The following RAB27B variants were observed in gnomAD, a reference collection of about 807,000 sequenced individuals.
RAB27B encodes the protein ras-related protein Rab-27B.
In RAB27B, 15 loss-of-function variants were observed where a neutral mutation model predicts 24.6. That is an observed-to-expected ratio of 0.61 (90% CI 0.41 to 0.94). The LOEUF is 0.94. RAB27B is among the 40% of genes least tolerant of loss of function. The pLI, the probability that RAB27B is intolerant of heterozygous loss-of-function variation, is 0.00. For missense variants in RAB27B, 261 were observed against 266.8 expected (o/e 0.98, Z 0.15); for synonymous variants, 105 against 92.5 (o/e 1.14, Z -0.78).
chr18:54,833,178 G>A (rs1473041779), intron 1 of RAB27B, among the ~76,000 whole-genome samples: 2 of 151,720 alleles, frequency 1.3e-5, no homozygotes, highest in African/African-American at 2.4e-5. Context: ...TTGAAACAAA[G>A]CAGTGAATAA....
chr18:54,825,981 C>A (rs976249441), upstream of RAB27B, among the ~76,000 whole-genome samples: 3 of 152,234 alleles, frequency 2.0e-5, no homozygotes, highest in African/African-American at 7.2e-5. Context: ...GAATCCTCTG[C>A]TCTTCCAAAT....
chr18:54,831,701 G>A (rs944710945), intron 1 of RAB27B, among the ~76,000 whole-genome samples: 17 of 152,254 alleles, frequency 1.1e-4, no homozygotes, highest in Non-Finnish European at 2.2e-4. Flanking sequence ...ATGTTAAAGG[G>A]TAATACAATG....
chr18:54,894,172 G>C lies in RAB27B; in HGVS notation c.*4759G>C, dbSNP rs1433715781. 1 of 151,920 alleles carries C rather than the reference G, an allele frequency of 6.6e-6. No homozygotes were observed. Among genetic ancestry groups the C allele is most frequent in the Non-Finnish European group, 1.5e-5 (1 of 67,904 alleles). 9.4% of individuals were successfully genotyped at this position (151,920 alleles called of 1,614,324 possible). A position where few individuals can be genotyped will look rare whatever the true frequency, so the allele number is the denominator to read the frequency against. On this transcript the variant is annotated 3_prime_UTR_variant, in exon 6 of 6. Transcript: ENST00000262094. ...TGTATCAACAGCCTATGGTTGAGAT[G>C]TTTTCTCATTTCCTGTAGAGAGAGA...
chr18:54,844,819 T>C (rs1911264044), intron 1 of RAB27B, among the ~76,000 whole-genome samples: 1 of 152,138 alleles, frequency 6.6e-6, no homozygotes, highest in South Asian at 2.1e-4. Context: ...AAATTTCACA[T>C]GTTTATTTTC....
intron 2 of RAB27B, among the ~76,000 whole-genome samples, chr18:54,799,519 G>C (rs1431664031): frequency 1.4e-5 from 2 of 146,654 alleles, no homozygotes; most frequent in East Asian, 4.1e-4. Flanking sequence ...AATAATTTCT[G>C]TTTTTTAAAA....
At chr18:54,773,786 T>A (rs1273962670) in intron 2 of RAB27B, among the ~76,000 whole-genome samples, 1 of 151,912 alleles carries the variant, frequency 6.6e-6, no homozygotes, top group East Asian at 1.9e-4. Context: ...AGCAATTCTC[T>A]GCCTCAGCCT....
intron 2 of RAB27B, among the ~76,000 whole-genome samples, chr18:54,765,093 A>G (rs1031241606): frequency 2.6e-5 from 4 of 152,232 alleles, no homozygotes; most frequent in Non-Finnish European, 4.4e-5. Flanking sequence ...AAAAAACAAA[A>G]AAACAAACAA....
At chr18:54,871,291 C>CCATAGTTT (rs1444411607) in intron 1 of RAB27B, among the ~76,000 whole-genome samples, 1 of 152,110 alleles carries the variant, frequency 6.6e-6, no homozygotes, top group Admixed American at 6.5e-5. Context: ...CTTTAGCCAC[C>CCATAGTTT]CATAGTTTAA....
In RAB27B at chr18:54,891,281, T is replaced by G. The variant is rs942293419; in HGVS notation, c.*1868T>G. ...ATCAAAATATTAATAATTTGAAAGC[T>G]TTCATGCTGTTAGCCCCTGATGAAA... On this transcript the variant is annotated 3_prime_UTR_variant, in exon 6 of 6. Coordinates refer to ENST00000262094, the MANE Select transcript of RAB27B (RefSeq NM_004163.4). The G allele has an allele frequency of 6.0e-5, 9 of 151,236 alleles. No homozygotes were observed. Among genetic ancestry groups the G allele is most frequent in the African/African-American group, 2.0e-4 (8 of 40,582 alleles). The allele number at this position is 151,236 out of a possible 1,614,324, so 9.4% of individuals were successfully genotyped here.
chr18:54,838,597 T>C (rs1910986288), intron 1 of RAB27B, among the ~76,000 whole-genome samples: 1 of 152,196 alleles, frequency 6.6e-6, no homozygotes, highest in Admixed American at 6.5e-5. Context: ...ACACTTTCTT[T>C]GTTATGGATC....
At position 54,747,669 on chromosome 18, in the gene RAB27B, C is replaced by CT. The variant is rs140817729; in HGVS notation, c.-20+29529dup. Among the ~76,000 whole-genome samples the CT allele has an allele frequency of 3.3e-3, 504 of 152,290 alleles. 2 individuals carry two copies. The highest frequency in any genetic ancestry group is 4.5e-3 in the Non-Finnish European group (306 of 68,020). ...TGAGTTCATTTAAATTCTTTTGCTT[C>CT]TCATACTTTGCCTACCAAATAATTA... On this transcript the variant is annotated intron_variant, in intron 2 of 4. Transcript: ENST00000586570.
chr18:54,783,528 G>C lies in RAB27B; in HGVS notation c.-20+65387G>C, dbSNP rs538009815. ...GTGTGTATGTATAGCATAATACATAGTGATTATTCTACTTTAGATTTCTTG... is the reference window on the plus strand; with the variant it reads ...GTGTGTATGTATAGCATAATACATACTGATTATTCTACTTTAGATTTCTTG... On this transcript the variant is annotated intron_variant, in intron 2 of 4. Coordinates refer to the RAB27B transcript ENST00000586570. 1.1e-4 allele frequency among the ~76,000 whole-genome samples: 17 copies of C among 149,516 alleles called. 1 individual carries two copies. In the East Asian group the frequency reaches 2.1e-3, roughly 19 times the overall value.
intron 2 of RAB27B, among the ~76,000 whole-genome samples, chr18:54,726,438 G>C (rs1909539390): frequency 6.6e-6 from 1 of 151,418 alleles, no homozygotes; most frequent in Non-Finnish European, 1.5e-5. Flanking sequence ...TTTCCCCACA[G>C]CCTGCCTTTT....
At chr18:54,748,529 G>A (rs2145026874) in intron 2 of RAB27B, among the ~76,000 whole-genome samples, 1 of 152,316 alleles carries the variant, frequency 6.6e-6, no homozygotes. Context: ...TTTTGTGTAA[G>A]GCTTAAAACA....
intron 1 of RAB27B, among the ~76,000 whole-genome samples, chr18:54,861,278 A>G (rs1241300130): frequency 6.6e-6 from 1 of 152,254 alleles, no homozygotes; most frequent in East Asian, 1.9e-4. Context: ...AACAAGCCAT[A>G]TCTTTAATTT....
intron 2 of RAB27B, among the ~76,000 whole-genome samples, chr18:54,727,134 C>T (rs561751087): frequency 9.9e-5 from 15 of 152,116 alleles, no homozygotes; most frequent in South Asian, 4.1e-4. Flanking sequence ...CCACTATGCC[C>T]GACTAATTTT....
chr18:54,834,093 T>A (rs975409669), intron 1 of RAB27B, among the ~76,000 whole-genome samples: 2 of 152,238 alleles, frequency 1.3e-5, no homozygotes, highest in Non-Finnish European at 2.9e-5. Context: ...TATTTGATAA[T>A]GTGTTCTAGA....
At chr18:54,855,336 C>T (rs539637943) in intron 1 of RAB27B, among the ~76,000 whole-genome samples, 17 of 152,290 alleles carry the variant, frequency 1.1e-4, no homozygotes, top group African/African-American at 3.1e-4. Flanking sequence ...AGGCCACTGA[C>T]CAATGGGACC....
chr18:54,740,558 C>T (rs967479943), intron 2 of RAB27B, among the ~76,000 whole-genome samples: 1 of 152,172 alleles, frequency 6.6e-6, no homozygotes, highest in Non-Finnish European at 1.5e-5. Flanking sequence ...CACAGCTTGA[C>T]AGTGGAATGT....
Sources: gnomAD v4.1 joint callset for allele counts (sites outside exome capture counted in the v4.1 genomes callset) on GRCh38, gnomAD v4.1.1 for gene constraint, MANE v1.5 for transcripts, NCBI Gene and HGNC (gene_info 2026-07-23, HGNC 2026-07-21) for gene names.